The following F10 variants were observed in gnomAD, a reference collection of about 807,000 sequenced individuals.
F10 encodes Stuart-Prower factor.
F10 carries 29 observed loss-of-function variants against 37.1 expected under a neutral mutation model. The ratio of observed to expected loss-of-function variants is 0.78; its 90% CI spans 0.58 to 1.07. The LOEUF (loss-of-function observed/expected upper bound fraction) is 1.07, where lower values mean the gene tolerates loss of function less well. Among genes scored for constraint, F10 ranks in the 50% least tolerant of loss-of-function variants. The pLI is 0.00. For missense variants in F10, 539 were observed against 667.9 expected, an observed-to-expected ratio of 0.81 and a Z score of 2.13; for synonymous variants, 262 against 268.6, an observed-to-expected ratio of 0.98 and a Z score of 0.24.
In F10 at chr13:113,143,853, C is replaced by A; in HGVS notation, c.505C>A (p.Pro169Thr). 2 of 1,612,286 alleles carry A rather than the reference C, an allele frequency of 1.2e-6. No homozygotes were observed. The highest frequency in any genetic ancestry group is 2.2e-5 in the East Asian group (1 of 44,860). ...CCCGGCCGTCCTCTTTCTTTCAGGG[C>A]CCTACCCCTGTGGGAAACAGACCCT... ...DNGKACIPTGPYPCGKQTLER... is the reference protein window; with the variant it reads ...DNGKACIPTGTYPCGKQTLER... The change falls in exon 6 of 8, where the codon CCC (proline) becomes ACC (threonine). Residue 169 changes from proline to threonine, a missense_variant and splice_region_variant. This residue lies in a region of F10 where 409 missense variants were observed against 547.9 expected (regional missense o/e 0.75). Coordinates refer to ENST00000375559, the MANE Select transcript of F10 (RefSeq NM_000504.4). This position sits in a 1 kb window ranked among gnomAD's most constrained non-coding sequence, Gnocchi z 6.8.
At chr13:113,138,075 T>A (rs1595092718) in intron 2 of F10, among the ~76,000 whole-genome samples, 1 of 152,246 alleles carries the variant, frequency 6.6e-6, no homozygotes. Flanking sequence ...GCTAACGTAA[T>A]GACTATTGAC....
chr13:113,148,086 T>C (rs1417754032), intron 7 of F10, among the ~76,000 whole-genome samples: 2 of 152,096 alleles, frequency 1.3e-5, no homozygotes, highest in East Asian at 3.8e-4. Flanking sequence ...TCCCAGCACT[T>C]TGGGAGGCTG....
chr13:113,129,826 GA>G (rs2036411984), intron 2 of F10, among the ~76,000 whole-genome samples: 1 of 152,250 alleles, frequency 6.6e-6, no homozygotes. Context: ...TCCCGGCGAG[GA>G]CTCAGCGGGG....
rs2036505749 is a variant in F10, at chr13:113,139,290, A to C, written c.257-67A>C. 2.9e-6 allele frequency: 4 copies of C among 1,367,840 alleles called. No homozygotes were observed. In the South Asian group the frequency reaches 3.6e-5, roughly 12 times the overall value. The allele number at this position is 1,367,840 out of a possible 1,614,324, so 84.7% of individuals were successfully genotyped here. On this transcript the variant is annotated intron_variant, in intron 3 of 7. Transcript: ENST00000375559. The surrounding 1 kb of genome is among the most constrained non-coding windows in gnomAD (Gnocchi z 5.2). ...TGAACGGCAGGGCCAAGGTTAGCAC[A>C]GCAAAACTGTTTCCATGATGCCGGA...
In F10 at chr13:113,122,916, G is replaced by A. The variant is rs753790195; in HGVS notation, c.61G>A (p.Gly21Arg). The A allele has an allele frequency of 1.4e-5, 23 of 1,609,654 alleles. No individual in the cohort carries two copies. The Admixed American group carries it at 2.3e-4, about 16-fold the overall frequency. The change falls in exon 1 of 8, where the codon GGG (glycine) becomes AGG (arginine). Residue 21 changes from glycine (G) to arginine (R), a missense_variant. Around this residue, in one of 2 missense-constraint regions of F10, gnomAD observed 130 missense variants for 120.0 expected, o/e 1.08. Transcript: ENST00000375559. The stretch of plus-strand genomic sequence containing the variant: ...CTCCCTGGCTGGCCTCCTGCTGCTC[G>A]GGGAAAGTCGTAAGTGCCCCTCGCC... ...SASLAGLLLL[G>R]ESLFIRREQA...
intron 2 of F10, among the ~76,000 whole-genome samples, chr13:113,135,428 G>A (rs1485453309): frequency 1.3e-5 from 2 of 152,188 alleles, no homozygotes; most frequent in African/African-American, 2.4e-5. Flanking sequence ...CAGATATGGG[G>A]CCTGATGAGG....
intron 5 of F10, among the ~76,000 whole-genome samples, chr13:113,142,276 T>C (rs1227180577): frequency 1.3e-5 from 2 of 152,116 alleles, no homozygotes; most frequent in Non-Finnish European, 2.9e-5. Flanking sequence ...GTGCAGTAGC[T>C]CATGCCTGTA....
At chr13:113,129,983 C>T in intron 2 of F10, 3 of 343,324 alleles carry the variant, frequency 8.7e-6, no homozygotes, top group South Asian at 7.0e-5. Flanking sequence ...CGTGCCCTCC[C>T]ACGCCCGCAG....
At chr13:113,142,387 A>ACC (rs1566920117) in intron 5 of F10, among the ~76,000 whole-genome samples, 1 of 120,694 alleles carries the variant, frequency 8.3e-6, no homozygotes, top group Non-Finnish European at 1.8e-5. Context: ...TAAAAATACA[A>ACC]AAAAAAAAAA....
At chr13:113,123,295 A>G (rs1222608057) in intron 1 of F10, among the ~76,000 whole-genome samples, 3 of 152,186 alleles carry the variant, frequency 2.0e-5, no homozygotes, top group African/African-American at 4.8e-5. Flanking sequence ...AGGCAGAGAC[A>G]GGACAGTTAG....
At position 113,143,981 on chromosome 13, in the gene F10, C is replaced by T. The variant is rs140852978; in HGVS notation, c.633C>T (p.Thr211=). Residue 211 remains threonine, a synonymous_variant, in exon 6 of 8, where the codon ACC becomes ACT. Coordinates refer to ENST00000375559, the MANE Select transcript of F10 (RefSeq NM_000504.4). The surrounding 1 kb of genome is among the most constrained non-coding windows in gnomAD (Gnocchi z 6.8). ...ATGATGCAGCCGACCTGGACCCCAC[C>T]GAGAACCCCTTCGACCTGCTTGACT... ...KPYDAADLDP[T]ENPFDLLDFN... is the part of the protein sequence containing the mutation. The T allele has an allele frequency of 3.5e-5, 56 of 1,613,476 alleles. No homozygotes were observed. The highest frequency in any genetic ancestry group is 5.0e-5 in the Admixed American group (3 of 60,000).
intron 1 of F10, among the ~76,000 whole-genome samples, chr13:113,125,796 C>T (rs151172398): frequency 4.6e-5 from 7 of 152,338 alleles, no homozygotes; most frequent in East Asian, 1.9e-4. Context: ...GTGCTAGGCA[C>T]GGGCATACAG....
At chr13:113,130,093 T>G (rs483949) in intron 2 of F10, 219,015 of 265,806 alleles carry the variant, frequency 0.82, 90,419 homozygotes, top group East Asian at 0.91. Flanking sequence ...CCAGTACTGC[T>G]CCTGCACAGC....
rs777839371 is a variant in F10 at position 113,141,080 on chromosome 13, G to A, written c.502+30G>A. On this transcript the variant is annotated intron_variant, in intron 5 of 7. Coordinates refer to ENST00000375559, the MANE Select transcript of F10 (RefSeq NM_000504.4). This position sits in a 1 kb window ranked among gnomAD's most constrained non-coding sequence, Gnocchi z 5.4. ...GAGGCACGTTGGGCCACAGCCACCC[G>A]CTGCCGCTGGGCCGGGCCAGGGAGG... The A allele has an allele frequency of 1.4e-5, 23 of 1,611,600 alleles. No individual in the cohort carries two copies. The East Asian group carries it at 2.0e-4, about 14-fold the overall frequency.
intron 1 of F10, chr13:113,128,886 GAAAAA>G (rs778396585): frequency 6.7e-5 from 3 of 44,840 alleles, no homozygotes; most frequent in Non-Finnish European, 1.3e-4. Flanking sequence ...ATCTTAAAGA[GAAAAA>G]AAAAAAAAAA....
At chr13:113,128,149 G>A (rs2036388399) in intron 1 of F10, 1 of 152,232 alleles carries the variant, frequency 6.6e-6, no homozygotes, top group African/African-American at 2.4e-5. Context: ...GCCAAACTCT[G>A]TAAAATATTT....
At position 113,139,059 on chromosome 13, in the gene F10, A is replaced by G. The variant is rs1449250065; in HGVS notation, c.257-298A>G. On this transcript the variant is annotated intron_variant, in intron 3 of 7. Transcript: ENST00000375559. The surrounding 1 kb of genome is among the most constrained non-coding windows in gnomAD (Gnocchi z 5.2). ...GCCCAGAAATGAGCATCAGGCTCTC[A>G]CCTTTCCTCCATCCTTCCAGTTGGT... Among the ~76,000 whole-genome samples the G allele has an allele frequency of 6.6e-6, 1 of 152,214 alleles. No homozygotes were observed. Among genetic ancestry groups the G allele is most frequent in the Admixed American group, 6.5e-5 (1 of 15,280 alleles).
intron 1 of F10, among the ~76,000 whole-genome samples, chr13:113,124,157 C>T (rs2036348220): frequency 1.3e-5 from 2 of 151,990 alleles, no homozygotes. Context: ...GCTCCCGAGG[C>T]CCTAAGCCCG....
rs1432439347 is a variant in F10, at chr13:113,149,397, C to T, written c.1347C>T (p.Tyr449=). 2.5e-6 allele frequency: 4 copies of T among 1,613,066 alleles called. No homozygotes were observed. The highest frequency in any genetic ancestry group is 1.1e-5 in the South Asian group (1 of 91,072). ...AGGGCTGTGCCCGTAAGGGGAAGTA[C>T]GGGATCTACACCAAGGTCACCGCCT... ...WGEGCARKGK[Y]GIYTKVTAFL... Residue 449 remains tyrosine (Y), a synonymous_variant, in exon 8 of 8, where the codon TAC becomes TAT. Transcript: ENST00000375559. This position sits in a 1 kb window ranked among gnomAD's most constrained non-coding sequence, Gnocchi z 7.5.
Sources: allele counts gnomAD v4.1 joint callset (sites outside exome capture counted in the v4.1 genomes callset), GRCh38; gene constraint gnomAD v4.1.1; regional missense constraint gnomAD v4.1.1; non-coding constraint Gnocchi (gnomAD v3.1); transcripts MANE v1.5; gene names NCBI Gene and HGNC (gene_info 2026-07-23, HGNC 2026-07-21).